The following PACS2 variants were observed in gnomAD, a reference collection of about 807,000 sequenced individuals.
The protein encoded by PACS2 is PACS1-like protein.
PACS2 carries 36 observed loss-of-function variants against 113.0 expected under a neutral mutation model. That is an observed-to-expected ratio of 0.32 (90% CI 0.24 to 0.42). The LOEUF (loss-of-function observed/expected upper bound fraction) is 0.42, where lower values mean the gene tolerates loss of function less well. Among genes scored for constraint, PACS2 ranks in the 10% least tolerant of loss-of-function variants. The pLI is 1.00. For missense variants in PACS2, 1,015 were observed against 1,239.5 expected, an observed-to-expected ratio of 0.82 and a Z score of 2.72; for synonymous variants, 589 against 536.1, an observed-to-expected ratio of 1.10 and a Z score of -1.36.
chr14:105,369,177 G>T (rs368181666), intron 7 of PACS2, among the ~76,000 whole-genome samples: 1 of 152,252 alleles, frequency 6.6e-6, no homozygotes. Context: ...ATTCAAGGGG[G>T]CGCTGTGGGC....
chr14:105,364,382 T>TGC (rs1566943293), intron 4 of PACS2, among the ~76,000 whole-genome samples: 1 of 90,190 alleles, frequency 1.1e-5, no homozygotes, highest in African/African-American at 4.5e-5. Context: ...GCGTCCCGGG[T>TGC]GCGCGGTGGG....
At chr14:105,361,903 C>G (rs1204812531) in intron 4 of PACS2, among the ~76,000 whole-genome samples, 2 of 151,678 alleles carry the variant, frequency 1.3e-5, no homozygotes, top group Non-Finnish European at 2.9e-5. Flanking sequence ...GAGCCAAGAT[C>G]ACGACATTGC....
At chr14:105,379,873 A>T in intron 10 of PACS2, 44 bp downstream of exon 10, 1 of 1,561,194 alleles carries the variant, frequency 6.4e-7, no homozygotes, top group Non-Finnish European at 8.8e-7. Flanking sequence ...CCGTGGTCTG[A>T]CTGGGCTGTG....
At chr14:105,349,747 C>T (rs1006299994) in intron 2 of PACS2, among the ~76,000 whole-genome samples, 1 of 152,284 alleles carries the variant, frequency 6.6e-6, no homozygotes, top group Non-Finnish European at 1.5e-5. Flanking sequence ...GCGGCGTGTG[C>T]TGGTGGCCAG....
chr14:105,364,187 T>TATC (rs1174740366), intron 4 of PACS2, among the ~76,000 whole-genome samples: 3 of 152,234 alleles, frequency 2.0e-5, no homozygotes, highest in Non-Finnish European at 4.4e-5. Flanking sequence ...ATAGACTTGC[T>TATC]TGATGCAGGG....
chr14:105,328,314 G>A (rs587660331), intron 1 of PACS2, among the ~76,000 whole-genome samples: 16 of 152,350 alleles, frequency 1.1e-4, no homozygotes, highest in African/African-American at 2.9e-4. Flanking sequence ...CCTGGAGAAT[G>A]TGGTCCCTTC....
chr14:105,387,186 C>T (rs1319532792), intron 19 of PACS2, among the ~76,000 whole-genome samples: 5 of 152,228 alleles, frequency 3.3e-5, no homozygotes, highest in Non-Finnish European at 2.9e-5. Context: ...GAGGGTCAGT[C>T]GGGAGGCTGA....
chr14:105,318,560 C>A (rs2058755407), intron 1 of PACS2, among the ~76,000 whole-genome samples: 1 of 151,416 alleles, frequency 6.6e-6, no homozygotes, highest in African/African-American at 2.4e-5. Context: ...TTCGATTTTC[C>A]TGCCTCAGCC....
chr14:105,376,787 ACC>A lies in PACS2; in HGVS notation c.823_824del (p.Pro275CysfsTer16). 3 of 1,612,862 alleles carry A rather than the reference ACC, an allele frequency of 1.9e-6. No individual in the cohort carries two copies. In the South Asian group the frequency reaches 3.3e-5, roughly 18 times the overall value. ...GTGCAGGTCCTGGACTCGGAGCAGG[ACC>A]CTGCGGAGCACATCCCCGAGGCAGA... On this transcript the variant is annotated frameshift_variant, in exon 9 of 25. Coordinates refer to ENST00000447393, the MANE Select transcript of PACS2 (RefSeq NM_001100913.3). The surrounding 1 kb of genome is among the most constrained non-coding windows in gnomAD (Gnocchi z 4.7).
At chr14:105,342,091 G>A (rs2059747979) in intron 1 of PACS2, among the ~76,000 whole-genome samples, 1 of 152,216 alleles carries the variant, frequency 6.6e-6, no homozygotes, top group Non-Finnish European at 1.5e-5. Flanking sequence ...GTGAGGAAGG[G>A]AAATCTTGCA....
At chr14:105,379,537 C>T (rs587713194) in intron 9 of PACS2, among the ~76,000 whole-genome samples, 2 of 152,310 alleles carry the variant, frequency 1.3e-5, no homozygotes, top group African/African-American at 4.8e-5. Context: ...CTTAGTGTTG[C>T]CAGCTCCAGA....
At chr14:105,347,838 G>A (rs1350592561) in intron 1 of PACS2, among the ~76,000 whole-genome samples, 2 of 152,154 alleles carry the variant, frequency 1.3e-5, no homozygotes, top group Admixed American at 6.5e-5. Flanking sequence ...CAGATGCCCC[G>A]GGGAGATGGC....
At chr14:105,331,094 A>G (rs2059289216) in intron 1 of PACS2, among the ~76,000 whole-genome samples, 1 of 151,912 alleles carries the variant, frequency 6.6e-6, no homozygotes, top group Non-Finnish European at 1.5e-5. Context: ...AGCTGGGATT[A>G]CAGGCATGCA....
intron 20 of PACS2, 54 bp downstream of exon 20, chr14:105,390,057 G>C: frequency 6.7e-7 from 1 of 1,486,188 alleles, no homozygotes; most frequent in African/African-American, 1.4e-5. Context: ...CCAACTTGTC[G>C]TTTACAGTCA....
rs2059250221 is a variant in PACS2 at position 105,330,141 on chromosome 14, G to A, written c.119+15104G>A. Among the ~76,000 whole-genome samples the A allele has an allele frequency of 1.4e-5, 2 of 139,122 alleles. No individual in the cohort carries two copies. The highest frequency in any genetic ancestry group is 7.1e-5 in the Admixed American group (1 of 14,142). 91.3% of individuals were successfully genotyped at this position (139,122 alleles called of 152,430 possible). ...CCGTGTGTGGGAAGGAACGGGGACA[G>A]GGAGCCTCCGAGAAGCCTGGGGTCC... On this transcript the variant is annotated intron_variant, in intron 1 of 24. Coordinates refer to ENST00000447393, the MANE Select transcript of PACS2 (RefSeq NM_001100913.3). This position sits in a 1 kb window ranked among gnomAD's most constrained non-coding sequence, Gnocchi z 6.9.
In PACS2 at chr14:105,346,316, G is replaced by T. The variant is rs150687508; in HGVS notation, c.120-2177G>T. Among the ~76,000 whole-genome samples the T allele has an allele frequency of 2.1e-3, 312 of 152,180 alleles. 1 individual carries two copies. Among genetic ancestry groups the T allele is most frequent in the African/African-American group, 6.6e-3 (274 of 41,502 alleles). The stretch of plus-strand genomic sequence containing the variant: ...GCTGCTTTTTGACCTACACTGACCC[G>T]ATCTTGTTTGGAACAGGCCGCCCTG... On this transcript the variant is annotated intron_variant, in intron 1 of 24. Transcript: ENST00000447393.
rs1197274395 is a variant in PACS2, at chr14:105,323,853, C to T, written c.119+8816C>T. 4.6e-5 allele frequency among the ~76,000 whole-genome samples: 7 copies of T among 152,214 alleles called. No individual in the cohort carries two copies. The highest frequency in any genetic ancestry group is 7.3e-5 in the Non-Finnish European group (5 of 68,042). ...GAGCTGGGGCCAAGGGGCAGCAGGA[C>T]GGTGCCCGTAGCCCTGGAGGCCTTG... is the stretch of plus-strand genomic sequence containing the variant. On this transcript the variant is annotated intron_variant, in intron 1 of 24. Transcript: ENST00000447393. This position sits in a 1 kb window ranked among gnomAD's most constrained non-coding sequence, Gnocchi z 4.1.
At chr14:105,327,206 G>T (rs116194592) in intron 1 of PACS2, among the ~76,000 whole-genome samples, 1 of 152,222 alleles carries the variant, frequency 6.6e-6, no homozygotes, top group African/African-American at 2.4e-5. Flanking sequence ...GCCTGACCTG[G>T]CCACACAGAG....
chr14:105,334,759 G>A (rs1160113377), intron 1 of PACS2, among the ~76,000 whole-genome samples: 1 of 152,272 alleles, frequency 6.6e-6, no homozygotes, highest in South Asian at 2.1e-4. Flanking sequence ...ACAGGTGCAC[G>A]TGGCCACACA....
Sources: allele counts gnomAD v4.1 joint callset (sites outside exome capture counted in the v4.1 genomes callset), GRCh38; gene constraint gnomAD v4.1.1; non-coding constraint Gnocchi (gnomAD v3.1); transcripts MANE v1.5; gene names NCBI Gene and HGNC (gene_info 2026-07-23, HGNC 2026-07-21).